Variants in IFNGR2 observed in about 807,000 individuals in gnomAD.
IFNGR2 encodes the protein interferon gamma receptor 2, also known as IFN-gamma receptor 2.
Under a neutral mutation model 41.1 loss-of-function variants are expected in IFNGR2, and 15 were observed. That is an observed-to-expected ratio of 0.37 (90% CI 0.24 to 0.56). The LOEUF (loss-of-function observed/expected upper bound fraction) is 0.56, where lower values mean the gene tolerates loss of function less well. Ranked by LOEUF, IFNGR2 falls within the 20% of genes least tolerant of loss-of-function variation. The pLI is 0.81. For synonymous variants in IFNGR2, 161 were observed against 171.6 expected (o/e 0.94, Z 0.48); for missense variants, 362 against 415.7 (o/e 0.87, Z 1.12).
In IFNGR2 at chr21:33,426,945, G is replaced by T. The variant is rs767448310; in HGVS notation, c.474G>T (p.Arg158Ser). The change falls in exon 4 of 7, where the codon AGG becomes AGT. Residue 158 changes from arginine to serine, a missense_variant. Arg to Ser is a moderately radical substitution (Grantham distance 110). Coordinates refer to ENST00000290219, the MANE Select transcript of IFNGR2 (RefSeq NM_005534.4). ...CAGGAGAAGGCTCCCTCATCATCAGGTTCTCCTCTCCCTTTGACATCGCTG... is the reference window on the plus strand; with the variant it reads ...CAGGAGAAGGCTCCCTCATCATCAGTTTCTCCTCTCCCTTTGACATCGCTG... ...VTPGEGSLIIRFSSPFDIADT... is the reference protein window; with the variant it reads ...VTPGEGSLIISFSSPFDIADT... The T allele has an allele frequency of 4.3e-6, 7 of 1,613,430 alleles. No homozygotes were observed. Among genetic ancestry groups the T allele is most frequent in the Non-Finnish European group, 5.1e-6 (6 of 1,179,640 alleles).
chr21:33,436,888 G>A lies in IFNGR2; in HGVS notation c.940G>A (p.Asp314Asn), dbSNP rs369529404. The A allele has an allele frequency of 7.4e-5, 119 of 1,613,756 alleles. No homozygotes were observed. Among genetic ancestry groups the A allele is most frequent in the Non-Finnish European group, 9.4e-5 (111 of 1,179,836 alleles). The stretch of plus-strand genomic sequence containing the variant: ...CTTGGACAAGGACAGCTCACCAAAG[G>A]ATGACGTCTGGGACTCTGTGTCCAT... The part of the protein sequence containing the change: ...EALDKDSSPK[D>N]DVWDSVSIIS... Residue 314 changes from aspartate (D) to asparagine (N), a missense_variant, in exon 7 of 7, where the codon GAT becomes AAT. By Grantham distance (23) the Asp-to-Asn change is conservative. Transcript: ENST00000290219.
intron 1 of IFNGR2, among the ~76,000 whole-genome samples, chr21:33,409,258 G>A (rs1455780727): frequency 6.6e-6 from 1 of 151,028 alleles, no homozygotes. Flanking sequence ...CAGGAGGTCA[G>A]GAGATCAAGA....
chr21:33,427,989 C>T (rs1401717785), intron 4 of IFNGR2, among the ~76,000 whole-genome samples: 1 of 151,798 alleles, frequency 6.6e-6, no homozygotes, highest in Admixed American at 6.6e-5. Flanking sequence ...CCTTGGCCAC[C>T]CAAAGTGCTG....
In IFNGR2 at chr21:33,426,515, G is replaced by A. The variant is rs148912676; in HGVS notation, c.413-369G>A. On this transcript the variant is annotated intron_variant, in intron 3 of 6. Coordinates refer to ENST00000290219, the MANE Select transcript of IFNGR2 (RefSeq NM_005534.4). ...GGGCGGATCACGAGGTCAGGAGTTC[G>A]AGAACAGCCTGGCCAACATGATGAT... 5.0e-3 allele frequency among the ~76,000 whole-genome samples: 766 copies of A among 152,034 alleles called. 7 individuals are homozygous for A. Among genetic ancestry groups the A allele is most frequent in the African/African-American group, 0.018 (732 of 41,474 alleles).
intron 1 of IFNGR2, among the ~76,000 whole-genome samples, chr21:33,413,130 C>T (rs1268910033): frequency 6.6e-6 from 1 of 152,106 alleles, no homozygotes; most frequent in Non-Finnish European, 1.5e-5. Context: ...TCATGCAGGC[C>T]TCTCTGTGTG....
intron 4 of IFNGR2, 33 bp downstream of exon 4, chr21:33,427,065 C>G: frequency 6.3e-7 from 1 of 1,591,236 alleles, no homozygotes; most frequent in South Asian, 1.1e-5. Flanking sequence ...TTTGGATTTT[C>G]TTTTCTTTGC....
At chr21:33,432,564 G>A in intron 5 of IFNGR2, 150 bp from the exon 6 acceptor site, 1 of 939,012 alleles carries the variant, frequency 1.1e-6, no homozygotes. Context: ...AGCTATTAAT[G>A]TAAGCATACC....
intron 6 of IFNGR2, 98 bp from the exon 7 acceptor site, chr21:33,436,730 T>TA (rs1465328734): frequency 1.0e-6 from 1 of 991,100 alleles, no homozygotes; most frequent in African/African-American, 1.8e-5. Flanking sequence ...AAAAAAAAAA[T>TA]AAAAATAAAA....
chr21:33,407,067 C>T (rs1013013372), intron 1 of IFNGR2, among the ~76,000 whole-genome samples: 2 of 151,602 alleles, frequency 1.3e-5, no homozygotes, highest in African/African-American at 4.9e-5. Flanking sequence ...AAGTAGTGGC[C>T]GTTTGCGCTA....
chr21:33,435,692 G>A (rs749079071), intron 6 of IFNGR2, among the ~76,000 whole-genome samples: 7 of 151,634 alleles, frequency 4.6e-5, no homozygotes, highest in Non-Finnish European at 7.4e-5. Context: ...AGACCATCCT[G>A]GCCAACAGGG....
chr21:33,424,973 G>A (rs971052776), intron 3 of IFNGR2, among the ~76,000 whole-genome samples: 4 of 152,090 alleles, frequency 2.6e-5, no homozygotes, highest in African/African-American at 4.8e-5. Context: ...GCAGTGGCCC[G>A]ATCTCGGCTC....
rs554354576 is a variant in IFNGR2 at position 33,425,600 on chromosome 21, G to A, written c.413-1284G>A. 5.9e-5 allele frequency among the ~76,000 whole-genome samples: 9 copies of A among 152,360 alleles called. No individual in the cohort carries two copies. In the East Asian group the frequency reaches 9.6e-4, roughly 16 times the overall value. On this transcript the variant is annotated intron_variant, in intron 3 of 6. Coordinates refer to ENST00000290219, the MANE Select transcript of IFNGR2 (RefSeq NM_005534.4). ...GCTGGGACAAGGGAAGCTGGAGAAC[G>A]TGTGTGCTGGTGTCCCTGGGCAGGC...
intron 5 of IFNGR2, 99 bp downstream of exon 5, chr21:33,432,435 G>T: frequency 4.2e-6 from 5 of 1,194,512 alleles, no homozygotes; most frequent in Non-Finnish European, 6.2e-6. Context: ...TGGTGGGAGT[G>T]GGGAGACCCA....
chr21:33,432,908 CAG>C (rs764187616), intron 6 of IFNGR2, 37 bp downstream of exon 6: 33 of 1,498,658 alleles, frequency 2.2e-5, no homozygotes, highest in Non-Finnish European at 3.0e-5. Flanking sequence ...TTTTTTGAGA[CAG>C]GGTCTTGCTC....
intron 2 of IFNGR2, among the ~76,000 whole-genome samples, chr21:33,419,526 TTTTTA>T (rs2083776375): frequency 6.6e-6 from 1 of 152,148 alleles, no homozygotes; most frequent in African/African-American, 2.4e-5. Context: ...TCTATTTCCT[TTTTTA>T]TTTTAACTTG....
chr21:33,403,683 T>C, intron 1 of IFNGR2, 67 bp downstream of exon 1: 4 of 690,228 alleles, frequency 5.8e-6, no homozygotes, highest in Non-Finnish European at 5.8e-6. Context: ...GCTGGGGGAC[T>C]CCCGGATCGT....
intron 2 of IFNGR2, among the ~76,000 whole-genome samples, chr21:33,415,428 T>C (rs1361515252): frequency 6.6e-6 from 1 of 152,224 alleles, no homozygotes; most frequent in Non-Finnish European, 1.5e-5. Context: ...GTTTGGTTAA[T>C]TACAATGAAT....
In IFNGR2 at chr21:33,432,320, C is replaced by T. The variant is rs538724312; in HGVS notation, c.705C>T (p.Tyr235=). 15 of 1,613,866 alleles carry T rather than the reference C, an allele frequency of 9.3e-6. No homozygotes were observed. Among genetic ancestry groups the T allele is most frequent in the South Asian group, 5.5e-5 (5 of 91,070 alleles). The change falls in exon 5 of 7, where the codon TAC becomes TAT. Residue 235 remains tyrosine, a synonymous_variant. Transcript: ENST00000290219. ...RVGHLSNISC[Y]ETMADASTEL... is the part of the protein sequence containing the mutation. ...GGCATTTAAGCAACATATCTTGCTACGAAACAATGGCAGATGGTAAAATAT... is the reference window on the plus strand; with the variant it reads ...GGCATTTAAGCAACATATCTTGCTATGAAACAATGGCAGATGGTAAAATAT...
intron 4 of IFNGR2, among the ~76,000 whole-genome samples, chr21:33,428,384 G>A (rs1327369402): frequency 2.0e-5 from 3 of 151,734 alleles, no homozygotes; most frequent in Non-Finnish European, 4.4e-5. Context: ...AACCACACCT[G>A]GCTAATATTT....
Sources: gnomAD v4.1 joint callset for allele counts (sites outside exome capture counted in the v4.1 genomes callset) on GRCh38, gnomAD v4.1.1 for gene constraint, MANE v1.5 for transcripts, NCBI Gene and HGNC (gene_info 2026-07-23, HGNC 2026-07-21) for gene names.